The following KCNQ5 variants were observed in gnomAD, a reference collection of about 807,000 sequenced individuals.
KCNQ5 encodes potassium voltage-gated channel subfamily Q member 5.
In KCNQ5, 30 loss-of-function variants were observed where a neutral mutation model predicts 98.2. The ratio of observed to expected loss-of-function variants is 0.31; its 90% CI spans 0.23 to 0.41. KCNQ5 has a LOEUF of 0.41. Ranked by LOEUF, KCNQ5 falls within the 10% of genes least tolerant of loss-of-function variation. The probability of loss-of-function intolerance (pLI) is 1.00; values close to 1 mark genes in which losing one functional copy is unlikely to be tolerated. For missense variants in KCNQ5, 835 were observed against 1,182.5 expected (o/e 0.71, Z 4.31); for synonymous variants, 458 against 449.4 (o/e 1.02, Z -0.24).
At chr6:72,893,363 C>T (rs934475705) in intron 1 of KCNQ5, among the ~76,000 whole-genome samples, 2 of 152,016 alleles carry the variant, frequency 1.3e-5, no homozygotes, top group African/African-American at 4.8e-5. Flanking sequence ...CAGAATGTTT[C>T]TGCCAGTTTG....
chr6:73,094,871 A>C (rs1209802747), intron 5 of KCNQ5, among the ~76,000 whole-genome samples: 1 of 152,168 alleles, frequency 6.6e-6, no homozygotes, highest in Non-Finnish European at 1.5e-5. Context: ...CTTTGTCTTA[A>C]CTTTAGATTA....
chr6:72,883,424 A>G (rs1337537811), intron 1 of KCNQ5, among the ~76,000 whole-genome samples: 1 of 152,160 alleles, frequency 6.6e-6, no homozygotes, highest in African/African-American at 2.4e-5. Context: ...CTCATGCTCT[A>G]TTAAAAAAAA....
At chr6:72,767,301 T>C (rs147341607) in intron 1 of KCNQ5, among the ~76,000 whole-genome samples, 5 of 151,948 alleles carry the variant, frequency 3.3e-5, no homozygotes, top group African/African-American at 4.8e-5. Context: ...AAGAATGAAA[T>C]TGGACCCTTA....
chr6:72,636,512 G>T (rs575741289), intron 1 of KCNQ5, among the ~76,000 whole-genome samples: 3 of 152,120 alleles, frequency 2.0e-5, no homozygotes, highest in Non-Finnish European at 2.9e-5. Context: ...CAAGTTTAAG[G>T]CTTCTATTTC....
At chr6:73,036,328 G>A (rs1771424690) in intron 2 of KCNQ5, among the ~76,000 whole-genome samples, 2 of 147,720 alleles carry the variant, frequency 1.4e-5, no homozygotes, top group South Asian at 4.3e-4. Flanking sequence ...GGAGCTTGCA[G>A]TGAGCCGAGA....
At chr6:72,875,913 C>T (rs1246755060) in intron 1 of KCNQ5, among the ~76,000 whole-genome samples, 1 of 151,866 alleles carries the variant, frequency 6.6e-6, no homozygotes, top group Non-Finnish European at 1.5e-5. Context: ...GTTTACATTT[C>T]TATATTTTTA....
chr6:72,927,896 A>G (rs900970349), intron 1 of KCNQ5, among the ~76,000 whole-genome samples: 6 of 152,048 alleles, frequency 3.9e-5, no homozygotes, highest in African/African-American at 1.4e-4. Context: ...GTTCCTGGTC[A>G]TAACAGGTAT....
At chr6:73,153,723 A>G (rs949522154) in intron 10 of KCNQ5, among the ~76,000 whole-genome samples, 1 of 152,090 alleles carries the variant, frequency 6.6e-6, no homozygotes, top group African/African-American at 2.4e-5. Flanking sequence ...TTCCTCTAAT[A>G]CTGCATTTGA....
chr6:73,075,150 C>T (rs1379536956), intron 3 of KCNQ5, among the ~76,000 whole-genome samples: 1 of 151,920 alleles, frequency 6.6e-6, no homozygotes, highest in East Asian at 1.9e-4. Flanking sequence ...AAGTGAAAAG[C>T]CCCTTTATGC....
At chr6:72,852,368 T>A (rs576299285) in intron 1 of KCNQ5, among the ~76,000 whole-genome samples, 1 of 151,932 alleles carries the variant, frequency 6.6e-6, no homozygotes, top group African/African-American at 2.4e-5. Flanking sequence ...TATGTGCCCA[T>A]CAATGGATGA....
intron 1 of KCNQ5, among the ~76,000 whole-genome samples, chr6:72,890,669 C>T (rs982626471): frequency 6.6e-6 from 1 of 152,042 alleles, no homozygotes; most frequent in Non-Finnish European, 1.5e-5. Context: ...TATTCTTGAT[C>T]GAAATAGATT....
chr6:72,796,859 A>G (rs892133039), intron 1 of KCNQ5, among the ~76,000 whole-genome samples: 2 of 152,236 alleles, frequency 1.3e-5, no homozygotes, highest in African/African-American at 4.8e-5. Context: ...AATAGATACT[A>G]TAATGGGATT....
intron 1 of KCNQ5, among the ~76,000 whole-genome samples, chr6:72,818,244 C>T (rs937980896): frequency 9.2e-5 from 14 of 152,112 alleles, no homozygotes; most frequent in African/African-American, 3.4e-4. Context: ...ATTGAGAAAT[C>T]ATGTTAATGT....
intron 1 of KCNQ5, among the ~76,000 whole-genome samples, chr6:72,785,581 T>C (rs1367394814): frequency 2.0e-5 from 3 of 149,982 alleles, no homozygotes; most frequent in Non-Finnish European, 4.4e-5. Flanking sequence ...ACCTGGGAGG[T>C]GGAGGTTGCA....
intron 1 of KCNQ5, among the ~76,000 whole-genome samples, chr6:72,675,922 C>T (rs1767384214): frequency 6.6e-6 from 1 of 152,172 alleles, no homozygotes; most frequent in Non-Finnish European, 1.5e-5. Context: ...TAGACAGTCT[C>T]TTTCTTTTGT....
At chr6:73,000,180 CA>C (rs769473492) in intron 1 of KCNQ5, among the ~76,000 whole-genome samples, 12 of 152,136 alleles carry the variant, frequency 7.9e-5, no homozygotes, top group Non-Finnish European at 1.8e-4. Context: ...AGCAAAACCA[CA>C]CACACAAACC....
At chr6:73,020,097 A>T (rs1770525755) in intron 2 of KCNQ5, among the ~76,000 whole-genome samples, 1 of 152,136 alleles carries the variant, frequency 6.6e-6, no homozygotes, top group South Asian at 2.1e-4. Context: ...TCAGTTTTAG[A>T]GTGGACACCA....
chr6:72,825,015 C>G (rs1278550418), intron 1 of KCNQ5, among the ~76,000 whole-genome samples: 1 of 152,002 alleles, frequency 6.6e-6, no homozygotes. Context: ...CCCATTTTGA[C>G]ACATGAAGAA....
intron 1 of KCNQ5, among the ~76,000 whole-genome samples, chr6:72,939,635 A>T (rs1379176651): frequency 6.6e-6 from 1 of 152,160 alleles, no homozygotes; most frequent in African/African-American, 2.4e-5. Flanking sequence ...AGCCTCATGT[A>T]TGCTTCCGCA....
Sources: gnomAD v4.1 joint callset for allele counts (sites outside exome capture counted in the v4.1 genomes callset) on GRCh38, gnomAD v4.1.1 for gene constraint, MANE v1.5 for transcripts, NCBI Gene and HGNC (gene_info 2026-07-23, HGNC 2026-07-21) for gene names.